The following OR2L13 variants were observed in gnomAD, a reference collection of about 807,000 sequenced individuals.
OR2L13 encodes the protein olfactory receptor family 2 subfamily L member 13.
Under a neutral mutation model 15.3 loss-of-function variants are expected in OR2L13, and 14 were observed. That is an observed-to-expected ratio of 0.91 (90% CI 0.60 to 1.43). The LOEUF (loss-of-function observed/expected upper bound fraction) is 1.43. Ranked by LOEUF, OR2L13 falls within the 40% of genes most tolerant of loss-of-function variation. The pLI, the probability that OR2L13 is intolerant of heterozygous loss-of-function variation, is 0.00. For missense variants in OR2L13, 367 were observed against 387.9 expected (o/e 0.95, Z 0.45); for synonymous variants, 152 against 142.9 (o/e 1.06, Z -0.45).
the OR2L13 span, among the ~76,000 whole-genome samples, chr1:248,017,721 A>AG: frequency 1.3e-5 from 2 of 152,226 alleles, no homozygotes; most frequent in African/African-American, 4.8e-5. Flanking sequence ...GCACCATCGC[A>AG]GGCAGAGCTG....
At chr1:247,979,803 T>C in the OR2L13 span, among the ~76,000 whole-genome samples, 2 of 152,128 alleles carry the variant, frequency 1.3e-5, no homozygotes, top group Non-Finnish European at 1.5e-5. Context: ...GACTCCTAGA[T>C]GTGGCATCTA....
exon 2 of OR2L13, chr1:248,098,739 A>G (rs982329843): frequency 6.6e-6 from 1 of 152,316 alleles, no homozygotes; most frequent in South Asian, 2.1e-4. Flanking sequence ...CAGACAGAAG[A>G]GCACACACAA....
At chr1:248,091,464 A>T (rs756728518), upstream of OR2L13, among the ~76,000 whole-genome samples, 12 of 152,030 alleles carry the variant, frequency 7.9e-5, no homozygotes, top group Non-Finnish European at 1.3e-4. Context: ...TGTGTATGTG[A>T]TGTAAAAAGG....
the OR2L13 span, among the ~76,000 whole-genome samples, chr1:247,953,853 C>T: frequency 6.6e-6 from 1 of 152,094 alleles, no homozygotes; most frequent in Non-Finnish European, 1.5e-5. Flanking sequence ...CCAGAATTAA[C>T]TCTTATTTTT....
the OR2L13 span, chr1:247,996,861 A>C: frequency 6.6e-6 from 1 of 152,186 alleles, no homozygotes; most frequent in Admixed American, 6.5e-5. Flanking sequence ...TGACAAAAAA[A>C]ATTTTCAGCT....
At chr1:248,061,266 G>A in the OR2L13 span, 1 of 1,608,204 alleles carries the variant, frequency 6.2e-7, no homozygotes, top group South Asian at 1.1e-5. Flanking sequence ...GGGTCTATGA[G>A]GGCACAGTGT....
At chr1:247,949,579 G>A in the OR2L13 span, 198 of 1,613,956 alleles carry the variant, frequency 1.2e-4, no homozygotes, top group Non-Finnish European at 1.7e-4. Context: ...TTGACCTGCA[G>A]CACCCACCTC....
chr1:248,052,075 A>T, the OR2L13 span, among the ~76,000 whole-genome samples: 2 of 152,140 alleles, frequency 1.3e-5, no homozygotes, highest in Non-Finnish European at 2.9e-5. Context: ...GTGAAACTCC[A>T]CTGCAAGTTG....
chr1:247,949,670 G>A, the OR2L13 span: 3 of 1,613,924 alleles, frequency 1.9e-6, no homozygotes, highest in African/African-American at 2.7e-5. Context: ...CAGAGGACAA[G>A]GTTCTGGCTG....
At chr1:247,959,000 T>G in the OR2L13 span, among the ~76,000 whole-genome samples, 1 of 152,190 alleles carries the variant, frequency 6.6e-6, no homozygotes, top group Non-Finnish European at 1.5e-5. Flanking sequence ...GTTAGCTGGT[T>G]ATTTTGCTCG....
chr1:247,950,533 C>T, the OR2L13 span, among the ~76,000 whole-genome samples: 1 of 152,148 alleles, frequency 6.6e-6, no homozygotes, highest in Non-Finnish European at 1.5e-5. Context: ...AGTTTAGTTT[C>T]ATTTTTCTGC....
chr1:247,973,827 A>G, the OR2L13 span, among the ~76,000 whole-genome samples: 127,949 of 152,192 alleles, frequency 0.84, 55,514 homozygotes, highest in South Asian at 0.97. Context: ...TACACTACTA[A>G]TGGGAGTGTA....
chr1:247,969,006 G>A, the OR2L13 span, among the ~76,000 whole-genome samples: 3 of 152,110 alleles, frequency 2.0e-5, no homozygotes, highest in Non-Finnish European at 4.4e-5. Flanking sequence ...TCCAACATCT[G>A]TTGTTTCCTG....
At chr1:248,053,878 T>G in the OR2L13 span, among the ~76,000 whole-genome samples, 1 of 152,214 alleles carries the variant, frequency 6.6e-6, no homozygotes, top group Non-Finnish European at 1.5e-5. Context: ...GATGGATAGA[T>G]TGCAATAATT....
At chr1:248,001,846 T>A in the OR2L13 span, among the ~76,000 whole-genome samples, 12 of 152,306 alleles carry the variant, frequency 7.9e-5, no homozygotes, top group Middle Eastern at 3.4e-3. Flanking sequence ...TGCTGTTTTA[T>A]GTTCCTTTTT....
the OR2L13 span, among the ~76,000 whole-genome samples, chr1:248,088,563 T>TA: frequency 6.6e-6 from 1 of 152,190 alleles, no homozygotes; most frequent in Non-Finnish European, 1.5e-5. Flanking sequence ...TCCATGTTCA[T>TA]TGATGTCATT....
the OR2L13 span, among the ~76,000 whole-genome samples, chr1:248,028,063 C>T: frequency 6.9e-6 from 1 of 145,852 alleles, no homozygotes; most frequent in African/African-American, 2.6e-5. Context: ...ATGGCATGAA[C>T]CCAGGAGGCT....
At chr1:248,003,695 A>T in the OR2L13 span, 1 of 1,613,060 alleles carries the variant, frequency 6.2e-7, no homozygotes, top group Non-Finnish European at 8.5e-7. Flanking sequence ...TCTGGCCTGC[A>T]TGGACACCTG....
chr1:247,972,631 CA>C, the OR2L13 span, among the ~76,000 whole-genome samples: 127,567 of 151,626 alleles, frequency 0.84, 55,317 homozygotes, highest in South Asian at 0.97. Context: ...TAATAGCCTA[CA>C]AAAACAAAAC....
Sources: allele counts gnomAD v4.1 joint callset (sites outside exome capture counted in the v4.1 genomes callset), GRCh38; gene constraint gnomAD v4.1.1; transcripts MANE v1.5; gene names NCBI Gene and HGNC (gene_info 2026-07-23, HGNC 2026-07-21).